Variants in GCNT2 observed in about 807,000 individuals in gnomAD.
GCNT2 encodes the protein N-acetyllactosaminide beta-1,6-N-acetylglucosaminyl-transferase.
In GCNT2, 34 loss-of-function variants were observed where a neutral mutation model predicts 34.2. The ratio of observed to expected loss-of-function variants is 1.00; its 90% CI spans 0.76 to 1.32. The LOEUF is 1.32. GCNT2 is among the 40% of genes most tolerant of loss of function. The probability of loss-of-function intolerance (pLI) is 0.00; values close to 1 mark genes in which losing one functional copy is unlikely to be tolerated. For missense variants in GCNT2, 584 were observed against 489.4 expected, an observed-to-expected ratio of 1.19 and a Z score of -1.82; for synonymous variants, 212 against 188.0, an observed-to-expected ratio of 1.13 and a Z score of -1.04.
At chr6:10,614,625 CA>C (rs34015959) in intron 3 of GCNT2, among the ~76,000 whole-genome samples, 3,799 of 105,870 alleles carry the variant, frequency 0.036, 120 homozygotes, top group African/African-American at 0.16. Flanking sequence ...GACTCTGTCT[CA>C]AAAAAAAAAA....
At chr6:10,590,214 A>G (rs1764570317) in intron 3 of GCNT2, among the ~76,000 whole-genome samples, 1 of 152,140 alleles carries the variant, frequency 6.6e-6, no homozygotes, top group African/African-American at 2.4e-5. Context: ...CCTGGGCAAC[A>G]TAGTGAGATC....
At chr6:10,581,363 T>C (rs981033559) in intron 3 of GCNT2, among the ~76,000 whole-genome samples, 1 of 152,098 alleles carries the variant, frequency 6.6e-6, no homozygotes, top group Non-Finnish European at 1.5e-5. Context: ...CTCTGCCTCC[T>C]AGGTTCAAGT....
intron 1 of GCNT2, among the ~76,000 whole-genome samples, chr6:10,521,969 A>G (rs193144276): frequency 3.3e-5 from 5 of 151,190 alleles, no homozygotes; most frequent in Admixed American, 2.6e-4. Context: ...GTGCGATCTC[A>G]GCTTACTGCA....
chr6:10,563,956 G>A (rs776965661), intron 3 of GCNT2, among the ~76,000 whole-genome samples: 105 of 151,830 alleles, frequency 6.9e-4, no homozygotes, highest in Middle Eastern at 3.4e-3. Flanking sequence ...TGCAATTACT[G>A]CGAATATTCT....
chr6:10,552,758 G>A (rs1762537594), intron 3 of GCNT2, among the ~76,000 whole-genome samples: 2 of 152,148 alleles, frequency 1.3e-5, no homozygotes, highest in African/African-American at 4.8e-5. Context: ...TGGACTGCCA[G>A]CATTCTCTAC....
chr6:10,620,398 C>CT (rs932448239), intron 3 of GCNT2, among the ~76,000 whole-genome samples: 72 of 150,212 alleles, frequency 4.8e-4, no homozygotes, highest in African/African-American at 1.6e-3. Context: ...TTTTCCTTTT[C>CT]TTTTTTTAAT....
chr6:10,582,006 A>G (rs1764088402), intron 3 of GCNT2: 2 of 223,142 alleles, frequency 9.0e-6, no homozygotes, highest in Non-Finnish European at 1.5e-5. Context: ...AAATATATTT[A>G]TGTGTATATA....
intron 3 of GCNT2, among the ~76,000 whole-genome samples, chr6:10,555,564 G>A (rs528743219): frequency 2.6e-5 from 4 of 152,258 alleles, no homozygotes; most frequent in African/African-American, 9.6e-5. Context: ...TAACTCAGTG[G>A]ATGTAGCTCA....
chr6:10,601,943 G>GAAAA (rs57927445), intron 3 of GCNT2, among the ~76,000 whole-genome samples: 3 of 113,048 alleles, frequency 2.7e-5, no homozygotes, highest in Non-Finnish European at 3.6e-5. Flanking sequence ...TCCATCTCAA[G>GAAAA]AAAAAAAAAA....
chr6:10,528,666 C>G lies in GCNT2; in HGVS notation c.-246C>G, dbSNP rs1761315791. On this transcript the variant is annotated 5_prime_UTR_variant, in exon 3 of 5. Transcript: ENST00000495262. Reference sequence around the variant, plus strand: ...CAGGTTAGCAGGAGAACAGGCAAGCCAAATGCAAAGGAGCCACTTCAGAAA... The same window carrying G: ...CAGGTTAGCAGGAGAACAGGCAAGCGAAATGCAAAGGAGCCACTTCAGAAA... 1.8e-6 allele frequency: 1 copy of G among 560,846 alleles called. No individual in the cohort carries two copies. The highest frequency in any genetic ancestry group is 3.1e-5 in the East Asian group (1 of 32,144). The allele number at this position is 560,846 out of a possible 1,614,324, so 34.7% of individuals were successfully genotyped here.
At chr6:10,535,057 G>A (rs1263531516) in intron 3 of GCNT2, among the ~76,000 whole-genome samples, 3 of 152,084 alleles carry the variant, frequency 2.0e-5, no homozygotes, top group African/African-American at 4.8e-5. Context: ...GGTGGTGCAT[G>A]CCTGTAACCC....
At chr6:10,553,956 A>G (rs571615394) in intron 3 of GCNT2, among the ~76,000 whole-genome samples, 1 of 152,372 alleles carries the variant, frequency 6.6e-6, no homozygotes, top group Admixed American at 6.5e-5. Flanking sequence ...TGAACGGAAT[A>G]TGGAGAAAGC....
intron 3 of GCNT2, among the ~76,000 whole-genome samples, chr6:10,548,086 G>A (rs1762342905): frequency 6.6e-6 from 1 of 152,112 alleles, no homozygotes; most frequent in Non-Finnish European, 1.5e-5. Flanking sequence ...TGGTTCTACT[G>A]AATAGAGAAT....
intron 3 of GCNT2, among the ~76,000 whole-genome samples, chr6:10,590,702 C>T (rs1764601161): frequency 6.6e-6 from 1 of 151,960 alleles, no homozygotes; most frequent in Non-Finnish European, 1.5e-5. Context: ...TACAGGTGCC[C>T]ACCACCAAGC....
chr6:10,536,545 G>A (rs1042989630), intron 3 of GCNT2, among the ~76,000 whole-genome samples: 8 of 151,152 alleles, frequency 5.3e-5, no homozygotes, highest in East Asian at 2.0e-4. Context: ...TAGTAGAGAC[G>A]GGGTTTCACC....
intron 3 of GCNT2, among the ~76,000 whole-genome samples, chr6:10,610,894 C>A (rs556394304): frequency 1.7e-4 from 26 of 152,280 alleles, no homozygotes; most frequent in Non-Finnish European, 3.5e-4. Context: ...CCATTCAATT[C>A]TAAAATTCAG....
intron 3 of GCNT2, among the ~76,000 whole-genome samples, chr6:10,552,924 A>G (rs1762544382): frequency 6.6e-6 from 1 of 152,234 alleles, no homozygotes; most frequent in African/African-American, 2.4e-5. Flanking sequence ...CAGAATGGGT[A>G]CAGTTTCACC....
intron 4 of GCNT2, among the ~76,000 whole-genome samples, chr6:10,626,158 T>A (rs1766245929): frequency 6.6e-6 from 1 of 152,204 alleles, no homozygotes; most frequent in African/African-American, 2.4e-5. Context: ...ATTAACATAA[T>A]TAAAATATTA....
intron 3 of GCNT2, among the ~76,000 whole-genome samples, chr6:10,546,679 T>C (rs1762285966): frequency 6.6e-6 from 1 of 152,098 alleles, no homozygotes; most frequent in Admixed American, 6.6e-5. Context: ...AAAGAAAATA[T>C]TACTCTTTGA....
Sources: allele counts gnomAD v4.1 joint callset (sites outside exome capture counted in the v4.1 genomes callset), GRCh38; gene constraint gnomAD v4.1.1; transcripts MANE v1.5; gene names NCBI Gene and HGNC (gene_info 2026-07-23, HGNC 2026-07-21).